The following PHEX variants were observed in gnomAD, a reference collection of about 807,000 sequenced individuals.
PHEX encodes phosphate regulating endopeptidase X-linked, also known as phosphate-regulating neutral endopeptidase PHEX.
Under a neutral mutation model 68.0 loss-of-function variants are expected in PHEX, and 16 were observed. The ratio of observed to expected loss-of-function variants is 0.24; its 90% CI spans 0.16 to 0.36. PHEX has a LOEUF of 0.36. PHEX is among the 10% of genes least tolerant of loss of function. The pLI, the probability that PHEX is intolerant of heterozygous loss-of-function variation, is 1.00. For synonymous variants in PHEX, 208 were observed against 205.1 expected, an observed-to-expected ratio of 1.01 and a Z score of -0.12; for missense variants, 480 against 575.5, an observed-to-expected ratio of 0.83 and a Z score of 1.70.
intron 20 of PHEX, among the ~76,000 whole-genome samples, chrX:22,234,321 G>A (rs1366438723): frequency 1.8e-5 from 2 of 112,700 alleles, no homozygotes; most frequent in African/African-American, 6.4e-5. Flanking sequence ...CGACCACTGC[G>A]CTGGCTGTCA....
At chrX:22,145,664 C>T (rs752416728) in intron 12 of PHEX, among the ~76,000 whole-genome samples, 2 of 110,073 alleles carry the variant, frequency 1.8e-5, no homozygotes, top group South Asian at 3.9e-4. Flanking sequence ...TGCAGCCAGG[C>T]TTGAAACCAC....
intron 16 of PHEX, among the ~76,000 whole-genome samples, 174 bp downstream of exon 16, chrX:22,213,132 C>T (rs1934985337): frequency 9.0e-6 from 1 of 110,873 alleles, no homozygotes; most frequent in Non-Finnish European, 1.9e-5. Context: ...TCCTTGTTAC[C>T]AGGGTGTATG....
chrX:22,205,335 C>A (rs1323555183), intron 15 of PHEX, among the ~76,000 whole-genome samples: 1 of 111,687 alleles, frequency 9.0e-6, no homozygotes, highest in Admixed American at 9.6e-5. Context: ...CCTAAATGAA[C>A]AAATTCAATG....
chrX:22,123,691 T>C (rs138424473), intron 11 of PHEX, among the ~76,000 whole-genome samples: 260 of 111,151 alleles, frequency 2.3e-3, no homozygotes, highest in African/African-American at 7.9e-3. Context: ...GTAGCTTTCA[T>C]TGGAATAAAG....
chrX:22,163,582 G>A (rs1305573067), intron 12 of PHEX, among the ~76,000 whole-genome samples: 1 of 111,701 alleles, frequency 9.0e-6, no homozygotes, highest in Admixed American at 9.5e-5. Flanking sequence ...CATGCACTGG[G>A]TATGGAAAGC....
At chrX:22,199,823 A>G (rs1343267740) in intron 15 of PHEX, among the ~76,000 whole-genome samples, 1 of 112,389 alleles carries the variant, frequency 8.9e-6, no homozygotes. Context: ...ATCTACAGTA[A>G]GAACGAATCT....
At chrX:22,041,535 A>G (rs1199105054) in intron 2 of PHEX, among the ~76,000 whole-genome samples, 1 of 107,837 alleles carries the variant, frequency 9.3e-6, no homozygotes, top group Non-Finnish European at 1.9e-5. Flanking sequence ...ATGCCAGGCA[A>G]CTCTTTTTGG....
intron 20 of PHEX, 71 bp from the exon 21 acceptor site, chrX:22,245,262 G>T: frequency 1.2e-6 from 1 of 807,095 alleles, no homozygotes; most frequent in South Asian, 2.0e-5. Context: ...GTATAATTTG[G>T]AGCAGTTAAA....
chrX:22,227,905 C>CTAT (rs1935564162), intron 20 of PHEX, among the ~76,000 whole-genome samples: 1 of 111,471 alleles, frequency 9.0e-6, no homozygotes, highest in Non-Finnish European at 1.9e-5. Flanking sequence ...GTGTTTGATA[C>CTAT]TATTTATTTG....
chrX:22,046,972 ATTG>A (rs1927563856), intron 2 of PHEX, 75 bp from the exon 3 acceptor site: 3 of 866,324 alleles, frequency 3.5e-6, no homozygotes, highest in East Asian at 6.2e-5. Context: ...TTGATATGGA[ATTG>A]TTGTTTAATT....
chrX:22,207,667 A>G (rs1200929260), intron 15 of PHEX, among the ~76,000 whole-genome samples: 1 of 111,584 alleles, frequency 9.0e-6, no homozygotes, highest in Non-Finnish European at 1.9e-5. Flanking sequence ...ATCATACAAA[A>G]TTACTCTATT....
At chrX:22,233,542 GCTTT>G (rs1336105331) in intron 20 of PHEX, among the ~76,000 whole-genome samples, 3 of 110,659 alleles carry the variant, frequency 2.7e-5, no homozygotes, top group Non-Finnish European at 5.7e-5. Context: ...TTGTCTTCTC[GCTTT>G]ATTTCACTGA....
In PHEX at chrX:22,114,489, A is replaced by G; in HGVS notation, c.1205A>G (p.Gln402Arg). ...VIQGTTTLLP[Q>R]WDKCVNFIES... ...CAGGGGACCACAACTTTGCTGCCTC[A>G]ATGGGACAAATGTGTAAACTTTATT... Residue 402 changes from glutamine (Q) to arginine (R), a missense_variant, in exon 11 of 22, where the codon CAA becomes CGA. By Grantham distance (43) the Gln-to-Arg change is conservative. Coordinates refer to ENST00000379374, the MANE Select transcript of PHEX (RefSeq NM_000444.6). 2 of 1,196,528 alleles carry G rather than the reference A, an allele frequency of 1.7e-6. No homozygotes were observed. The highest frequency in any genetic ancestry group is 2.3e-6 in the Non-Finnish European group (2 of 881,821).
chrX:22,236,130 T>C (rs1027821225), intron 20 of PHEX, among the ~76,000 whole-genome samples: 1 of 111,897 alleles, frequency 8.9e-6, no homozygotes, highest in African/African-American at 3.3e-5. Flanking sequence ...TCTCCTTCTA[T>C]AATGCAACCC....
At chrX:22,238,988 A>T (rs1013343829) in intron 20 of PHEX, among the ~76,000 whole-genome samples, 1 of 111,718 alleles carries the variant, frequency 9.0e-6, no homozygotes, top group Non-Finnish European at 1.9e-5. Context: ...TCTCACTAGC[A>T]TCTGGCAGGT....
At chrX:22,164,356 C>T (rs930266706) in intron 12 of PHEX, among the ~76,000 whole-genome samples, 9 of 111,985 alleles carry the variant, frequency 8.0e-5, no homozygotes, top group African/African-American at 2.3e-4. Flanking sequence ...GGCAATGTTG[C>T]TACTAGTATT....
rs1936460488 is a variant in PHEX at position 22,248,635 on chromosome X, A to G, written c.*682A>G. ...AAGCTCGCAGAAAGGCTACTAGGTA[A>G]CGGATTTGAGTTTATTCAGTAGAAA... On this transcript the variant is annotated 3_prime_UTR_variant, in exon 22 of 22. Coordinates refer to ENST00000379374, the MANE Select transcript of PHEX (RefSeq NM_000444.6). 1 of 112,353 alleles carries G rather than the reference A, an allele frequency of 8.9e-6. No homozygotes were observed. The highest frequency in any genetic ancestry group is 3.2e-5 in the African/African-American group (1 of 30,799). The allele number at this position is 112,353 out of a possible 1,213,427, so 9.3% of individuals were successfully genotyped here.
At chrX:22,192,699 C>T (rs761012464) in intron 15 of PHEX, among the ~76,000 whole-genome samples, 26 of 111,857 alleles carry the variant, frequency 2.3e-4, no homozygotes, top group Non-Finnish European at 3.8e-4. Context: ...GCTCCCATTT[C>T]CTTCAAATCT....
At chrX:22,064,399 G>C (rs1251935098) in intron 3 of PHEX, among the ~76,000 whole-genome samples, 1 of 111,945 alleles carries the variant, frequency 8.9e-6, no homozygotes, top group Non-Finnish European at 1.9e-5. Context: ...AGAGCATGCA[G>C]TATTTGGTTT....
Sources: gnomAD v4.1 joint callset for allele counts (sites outside exome capture counted in the v4.1 genomes callset) on GRCh38, gnomAD v4.1.1 for gene constraint, MANE v1.5 for transcripts, NCBI Gene and HGNC (gene_info 2026-07-23, HGNC 2026-07-21) for gene names.